GSE1: variants seen among roughly 807,000 people sequenced by gnomAD.
GSE1 encodes Gse1 coiled-coil protein, also known as genetic suppressor element 1.
Under a neutral mutation model 112.6 loss-of-function variants are expected in GSE1, and 32 were observed. That is an observed-to-expected ratio of 0.28 (90% CI 0.21 to 0.38). The LOEUF (loss-of-function observed/expected upper bound fraction) is 0.38. Ranked by LOEUF, GSE1 falls within the 10% of genes least tolerant of loss-of-function variation. The pLI, the probability that GSE1 is intolerant of heterozygous loss-of-function variation, is 1.00. For synonymous variants in GSE1, 1,115 were observed against 735.6 expected (o/e 1.52, Z -8.35); for missense variants, 2,348 against 1,699.2 (o/e 1.38, Z -6.71).
intron 8 of GSE1, among the ~76,000 whole-genome samples, chr16:85,659,943 C>G (rs1345537627): frequency 2.6e-5 from 4 of 152,214 alleles, no homozygotes; most frequent in Non-Finnish European, 5.9e-5. Flanking sequence ...GGGGGGCAGT[C>G]TCGGCACAGG....
At chr16:85,572,861 C>T (rs1270480218) in intron 1 of GSE1, among the ~76,000 whole-genome samples, 2 of 152,142 alleles carry the variant, frequency 1.3e-5, no homozygotes, top group Non-Finnish European at 2.9e-5. Context: ...CAAGTCAGGG[C>T]ATTGCAAGAG....
At chr16:85,501,646 G>C (rs190360291) in intron 2 of GSE1, among the ~76,000 whole-genome samples, 6 of 152,110 alleles carry the variant, frequency 3.9e-5, no homozygotes, top group Non-Finnish European at 7.4e-5. Flanking sequence ...CTCCCACCTC[G>C]GCCTCCCAAA....
intron 1 of GSE1, among the ~76,000 whole-genome samples, chr16:85,253,602 G>A (rs1906751204): frequency 6.6e-6 from 1 of 152,092 alleles, no homozygotes; most frequent in South Asian, 2.1e-4. Context: ...CTATGGCACA[G>A]TGTGATTGAT....
At chr16:85,521,896 G>T (rs780356887) in intron 2 of GSE1, among the ~76,000 whole-genome samples, 3 of 152,192 alleles carry the variant, frequency 2.0e-5, no homozygotes, top group Non-Finnish European at 4.4e-5. Flanking sequence ...ATGAGGTCCC[G>T]GCAGTGCCAA....
chr16:85,224,033 A>T (rs888258577), intron 1 of GSE1, among the ~76,000 whole-genome samples: 1 of 152,046 alleles, frequency 6.6e-6, no homozygotes, highest in Non-Finnish European at 1.5e-5. Flanking sequence ...CAGCCCCATT[A>T]TCAGCACCAT....
intron 1 of GSE1, among the ~76,000 whole-genome samples, chr16:85,566,951 C>T (rs746055720): frequency 8.5e-5 from 13 of 152,162 alleles, no homozygotes; most frequent in East Asian, 1.9e-4. Context: ...GCCTCTCACC[C>T]GCTCCAAGAA....
chr16:85,605,287 C>T (rs965944732), intron 1 of GSE1, among the ~76,000 whole-genome samples: 3 of 151,944 alleles, frequency 2.0e-5, no homozygotes, highest in African/African-American at 7.3e-5. Flanking sequence ...AAGGCCTCTC[C>T]TAATGTCGGA....
chr16:85,571,370 C>A (rs531749378), intron 1 of GSE1, among the ~76,000 whole-genome samples: 1 of 152,390 alleles, frequency 6.6e-6, no homozygotes, highest in African/African-American at 2.4e-5. Context: ...ATGAAAACTT[C>A]AGTGCCCCAA....
At chr16:85,343,135 C>T (rs771495745) in intron 1 of GSE1, among the ~76,000 whole-genome samples, 1 of 152,092 alleles carries the variant, frequency 6.6e-6, no homozygotes, top group Non-Finnish European at 1.5e-5. Flanking sequence ...TTCAACAAAG[C>T]GTGGCGCGTC....
At position 85,485,090 on chromosome 16, in the gene GSE1, G is replaced by A. The variant is rs545564671; in HGVS notation, c.2464+127447G>A. On this transcript the variant is annotated intron_variant, in intron 2 of 2. Coordinates refer to the GSE1 transcript ENST00000637419. The stretch of plus-strand genomic sequence containing the variant: ...CAGATGGTGCGGTAGGGCCACTTCC[G>A]CCACCACAGACAAAAGCAGGATTTA... Among the ~76,000 whole-genome samples the A allele has an allele frequency of 4.1e-4, 62 of 152,182 alleles. 1 individual carries two copies. The highest frequency in any genetic ancestry group is 7.9e-4 in the Non-Finnish European group (54 of 68,022).
At chr16:85,552,328 C>CTTTTTTTTTT (rs1195413161), upstream of GSE1, among the ~76,000 whole-genome samples, 11 of 47,752 alleles carry the variant, frequency 2.3e-4, no homozygotes, top group African/African-American at 5.1e-4. Context: ...CCCGCCCCTC[C>CTTTTTTTTTT]TTTTTTTTTT....
intron 1 of GSE1, among the ~76,000 whole-genome samples, chr16:85,261,358 A>G (rs1907665716): frequency 6.6e-6 from 1 of 152,240 alleles, no homozygotes; most frequent in Admixed American, 6.5e-5. Flanking sequence ...CCATCTGTAC[A>G]GTGAGCAGTT....
chr16:85,576,369 G>A (rs1461251342), intron 1 of GSE1, among the ~76,000 whole-genome samples: 1 of 152,186 alleles, frequency 6.6e-6, no homozygotes, highest in Non-Finnish European at 1.5e-5. Context: ...ATCTCTTAAC[G>A]AAGGACTTTG....
chr16:85,291,281 C>T (rs529187943), intron 1 of GSE1, among the ~76,000 whole-genome samples: 6 of 152,310 alleles, frequency 3.9e-5, no homozygotes, highest in African/African-American at 1.2e-4. Flanking sequence ...AGGCGTCCCT[C>T]CTCACCCTCC....
chr16:85,585,382 G>A (rs924734453), intron 1 of GSE1, among the ~76,000 whole-genome samples: 7 of 152,208 alleles, frequency 4.6e-5, no homozygotes, highest in African/African-American at 1.4e-4. Context: ...TATGGCAGCC[G>A]AGAGGGCATT....
chr16:85,485,242 G>A (rs528125404), intron 2 of GSE1, among the ~76,000 whole-genome samples: 29 of 152,364 alleles, frequency 1.9e-4, no homozygotes, highest in Middle Eastern at 3.4e-3. Flanking sequence ...GGTTTCCCGC[G>A]CCCAGAGGCA....
chr16:85,460,274 G>A (rs564416577), intron 2 of GSE1, among the ~76,000 whole-genome samples: 7 of 152,104 alleles, frequency 4.6e-5, no homozygotes, highest in East Asian at 1.9e-4. Flanking sequence ...GGAACCACCC[G>A]GGGGGCTTTG....
chr16:85,522,322 A>C (rs1598053954), intron 2 of GSE1, among the ~76,000 whole-genome samples: 1 of 151,922 alleles, frequency 6.6e-6, no homozygotes, highest in Non-Finnish European at 1.5e-5. Context: ...GTCAGGTATA[A>C]AAGATGTCCA....
chr16:85,655,173 C>T (rs185031501), intron 5 of GSE1, among the ~76,000 whole-genome samples, 182 bp downstream of exon 5: 34 of 152,324 alleles, frequency 2.2e-4, no homozygotes, highest in African/African-American at 7.5e-4. Flanking sequence ...CATTAGGGGT[C>T]CCCTCCTGGT....
Sources: allele counts gnomAD v4.1 joint callset (sites outside exome capture counted in the v4.1 genomes callset), GRCh38; gene constraint gnomAD v4.1.1; transcripts MANE v1.5; gene names NCBI Gene and HGNC (gene_info 2026-07-23, HGNC 2026-07-21).